CFAP251: variants seen among roughly 807,000 people sequenced by gnomAD.
CFAP251 encodes cilia and flagella associated protein 251, also known as cilia- and flagella-associated protein 251.
A neutral mutation model predicts 126.7 loss-of-function variants in CFAP251; 93 were observed. The observed-to-expected ratio is 0.73, with a 90% CI of 0.62 to 0.87. CFAP251 has a LOEUF of 0.87. CFAP251 is among the 40% of genes least tolerant of loss of function. The pLI, the probability that CFAP251 is intolerant of heterozygous loss-of-function variation, is 0.00. For missense variants in CFAP251, 1,287 were observed against 1,389.2 expected, an observed-to-expected ratio of 0.93 and a Z score of 1.17; for synonymous variants, 503 against 506.9, an observed-to-expected ratio of 0.99 and a Z score of 0.10.
rs898782223 is a variant in CFAP251 at position 121,989,726 on chromosome 12, G to A, written c.3007-9990G>A. Among the ~76,000 whole-genome samples, 4 of 152,146 alleles carry A rather than the reference G, an allele frequency of 2.6e-5. No homozygotes were observed. Among genetic ancestry groups the A allele is most frequent in the African/African-American group, 9.7e-5 (4 of 41,418 alleles). The stretch of plus-strand genomic sequence containing the variant: ...CGTTGGGAAGAGGGCGTGGGGAAGA[G>A]GGTGAGTGCTCCCAGTCCTACTGGT... On this transcript the variant is annotated intron_variant, in intron 19 of 21. Coordinates refer to ENST00000288912, the MANE Select transcript of CFAP251 (RefSeq NM_144668.6). This position sits in a 1 kb window ranked among gnomAD's most constrained non-coding sequence, Gnocchi z 4.2.
At chr12:121,984,962 G>A (rs1882710678) in intron 19 of CFAP251, among the ~76,000 whole-genome samples, 1 of 152,132 alleles carries the variant, frequency 6.6e-6, no homozygotes, top group Non-Finnish European at 1.5e-5. Context: ...GTGGACGCTT[G>A]GCAAATGTTG....
At chr12:122,003,039 A>G (rs1230606406) in intron 21 of CFAP251, among the ~76,000 whole-genome samples, 1 of 152,104 alleles carries the variant, frequency 6.6e-6, no homozygotes, top group African/African-American at 2.4e-5. Context: ...CCTGATTGTT[A>G]TATATTTCTG....
chr12:121,963,679 G>A lies in CFAP251; in HGVS notation c.2492+1517G>A, dbSNP rs141415548. Among the ~76,000 whole-genome samples, 444 of 148,654 alleles carry A rather than the reference G, an allele frequency of 3.0e-3. 2 individuals are homozygous for A. The highest frequency in any genetic ancestry group is 1.0e-2 in the African/African-American group (404 of 40,426). The stretch of plus-strand genomic sequence containing the variant: ...GTGAGCCCTCACAAGAAACACTGAC[G>A]ATTGTGCCTCGAGTACAGCAGGGCC... On this transcript the variant is annotated intron_variant, in intron 15 of 21. Transcript: ENST00000288912.
intron 11 of CFAP251, 96 bp downstream of exon 11, chr12:121,957,364 A>C: frequency 8.1e-7 from 1 of 1,239,012 alleles, no homozygotes; most frequent in Non-Finnish European, 1.1e-6. Context: ...TGTTCCTGGG[A>C]TATCTCCCTG....
intron 17 of CFAP251, chr12:121,971,616 C>T (rs1201492436): frequency 2.8e-5 from 20 of 702,776 alleles, no homozygotes; most frequent in Non-Finnish European, 5.2e-5. Context: ...AAGCTAACTC[C>T]AAGGGGTCTG....
Position 121,968,150 on chromosome 12 carries a change from C to T in CFAP251, c.2752C>T (p.Gln918Ter), listed in dbSNP as rs1882213849. ...GGGAGGGCACGATCGCTCGGTGGTG[C>T]AGTGGAAAATCACCTTAAGGTACAC... ...TAGGHDRSVV[Q>*]WKITLSVLEA... Residue 918 changes from glutamine to a stop codon, truncating the protein, a stop_gained, in exon 17 of 22, where the codon CAG (glutamine) becomes TAG (stop). Transcript: ENST00000288912. LOFTEE classifies it high-confidence loss of function. 1 of 1,607,164 alleles carries T rather than the reference C, an allele frequency of 6.2e-7. No individual in the cohort carries two copies. Among genetic ancestry groups the T allele is most frequent in the African/African-American group, 1.3e-5 (1 of 74,702 alleles).
rs1350175560 is a variant in CFAP251, at chr12:121,980,865, A to G, written c.3006+5180A>G. On this transcript the variant is annotated intron_variant, in intron 19 of 21. Coordinates refer to ENST00000288912, the MANE Select transcript of CFAP251 (RefSeq NM_144668.6). ...GAAGAAGCACATCTTGGTGCAAACT[A>G]GCTGGCCTGGCTGCAGTTCCCAGCC... 4.6e-5 allele frequency among the ~76,000 whole-genome samples: 7 copies of G among 152,220 alleles called. No individual in the cohort carries two copies. In the East Asian group the frequency reaches 1.3e-3, roughly 29 times the overall value.
At chr12:121,929,994 T>C (rs1317492772) in intron 3 of CFAP251, among the ~76,000 whole-genome samples, 1 of 86,878 alleles carries the variant, frequency 1.2e-5, no homozygotes, top group Non-Finnish European at 2.2e-5. Context: ...ATCTTTTTAT[T>C]GTCTCCAAGT....
At chr12:121,999,079 T>C (rs1480829680) in intron 19 of CFAP251, 1 of 152,116 alleles carries the variant, frequency 6.6e-6, no homozygotes, top group African/African-American at 2.4e-5. Context: ...TTGTTGAGTG[T>C]TTTTACCATG....
intron 17 of CFAP251, chr12:121,970,103 C>A: frequency 2.7e-6 from 1 of 367,432 alleles, no homozygotes; most frequent in Non-Finnish European, 3.8e-6. Context: ...GATGATAAAT[C>A]CCCTCACATT....
At position 121,953,910 on chromosome 12, in the gene CFAP251, A is replaced by G. The variant is rs137946344; in HGVS notation, c.1321-210A>G. 432 of 577,394 alleles carry G rather than the reference A, an allele frequency of 7.5e-4. 3 individuals carry two copies. In the African/African-American group the frequency reaches 7.8e-3, roughly 10 times the overall value. 35.8% of individuals were successfully genotyped at this position (577,394 alleles called of 1,614,324 possible). A position where few individuals can be genotyped will look rare whatever the true frequency, so the allele number is the denominator to read the frequency against. The stretch of plus-strand genomic sequence containing the variant: ...AACAAACAATGTAATTGAACAGAGT[A>G]CATAACCCTTCACTTGCTCTTAGCA... On this transcript the variant is annotated intron_variant, in intron 9 of 21. Transcript: ENST00000288912.
Position 121,957,258 on chromosome 12 carries a change from T to TA in CFAP251, c.1720_1721insA (p.Phe574TyrfsTer12), listed in dbSNP as rs1370833567. On this transcript the variant is annotated frameshift_variant, in exon 11 of 22. Coordinates refer to ENST00000288912, the MANE Select transcript of CFAP251 (RefSeq NM_144668.6). LOFTEE classifies it high-confidence loss of function. ...TGACTGCACTTTAAAAGGTGACCTT[T>TA]TTGTCTTAAGGTAAGTTGTTAATGA... 6.2e-7 allele frequency: 1 copy of TA among 1,609,518 alleles called. No homozygotes were observed.
chr12:121,942,047 G>C (rs79465032), intron 5 of CFAP251, among the ~76,000 whole-genome samples: 1 of 152,130 alleles, frequency 6.6e-6, no homozygotes, highest in South Asian at 2.1e-4. Context: ...TTGTGAAGAG[G>C]GCAAACAGCA....
chr12:121,973,862 C>T (rs1254579937), intron 17 of CFAP251, among the ~76,000 whole-genome samples: 2 of 152,268 alleles, frequency 1.3e-5, no homozygotes, highest in East Asian at 3.9e-4. Context: ...AAGGGACTTG[C>T]CTGTCTCAGA....
intron 17 of CFAP251, chr12:121,969,715 TG>T: frequency 2.1e-6 from 2 of 970,902 alleles, no homozygotes; most frequent in Non-Finnish European, 1.2e-6. Context: ...CTTGAACTCA[TG>T]GGCTCAAGCC....
intron 16 of CFAP251, 88 bp from the exon 17 acceptor site, chr12:121,967,918 C>A: frequency 8.1e-7 from 1 of 1,227,656 alleles, no homozygotes; most frequent in African/African-American, 1.5e-5. Context: ...TTCTGGCACA[C>A]AGATCTGGAG....
chr12:121,919,880 C>T (rs1880085117), intron 1 of CFAP251, among the ~76,000 whole-genome samples: 1 of 152,138 alleles, frequency 6.6e-6, no homozygotes, highest in African/African-American at 2.4e-5. Context: ...GCCACAAATA[C>T]ATATACTTTA....
chr12:121,948,963 T>A, intron 7 of CFAP251, 21 bp from the exon 8 acceptor site: 1 of 1,424,414 alleles, frequency 7.0e-7, no homozygotes, highest in Non-Finnish European at 9.7e-7. Flanking sequence ...CATTAATGTA[T>A]TTTCATACTT....
intron 11 of CFAP251, 96 bp from the exon 12 acceptor site, chr12:121,958,175 AC>A: frequency 1.3e-6 from 2 of 1,510,950 alleles, no homozygotes; most frequent in Middle Eastern, 1.9e-4. Flanking sequence ...TAAATTACAG[AC>A]GACAGAGGCG....
Sources: gnomAD v4.1 joint callset for allele counts (sites outside exome capture counted in the v4.1 genomes callset) on GRCh38, gnomAD v4.1.1 for gene constraint, Gnocchi (gnomAD v3.1) non-coding constraint, MANE v1.5 for transcripts, NCBI Gene and HGNC (gene_info 2026-07-23, HGNC 2026-07-21) for gene names.